CNTNAP2: variants seen among roughly 807,000 people sequenced by gnomAD.
The protein encoded by CNTNAP2 is contactin-associated protein-like 2.
A neutral mutation model predicts 155.2 loss-of-function variants in CNTNAP2; 98 were observed. That is an observed-to-expected ratio of 0.63 (90% CI 0.54 to 0.75). CNTNAP2 has a LOEUF of 0.75. Ranked by LOEUF, CNTNAP2 falls within the 30% of genes least tolerant of loss-of-function variation. The pLI, the probability that CNTNAP2 is intolerant of heterozygous loss-of-function variation, is 0.00. For synonymous variants in CNTNAP2, 651 were observed against 631.2 expected (o/e 1.03, Z -0.47); for missense variants, 1,727 against 1,688.1 (o/e 1.02, Z -0.40).
At chr7:146,662,378 C>G (rs1219734685) in intron 1 of CNTNAP2, among the ~76,000 whole-genome samples, 1 of 152,152 alleles carries the variant, frequency 6.6e-6, no homozygotes, top group East Asian at 1.9e-4. Context: ...CTCAGTTGAT[C>G]CGCCCACCTC....
At chr7:147,023,228 C>T (rs1466009752) in intron 3 of CNTNAP2, among the ~76,000 whole-genome samples, 2 of 152,064 alleles carry the variant, frequency 1.3e-5, no homozygotes, top group East Asian at 3.9e-4. Flanking sequence ...CAGTTGCATG[C>T]TTGTTTCTCT....
At chr7:146,511,917 G>T (rs943192127) in intron 1 of CNTNAP2, among the ~76,000 whole-genome samples, 8 of 151,978 alleles carry the variant, frequency 5.3e-5, no homozygotes, top group Non-Finnish European at 1.0e-4. Flanking sequence ...GTTTTTATAT[G>T]GGAGGCTTTT....
At chr7:147,250,904 A>C (rs1385987709) in intron 8 of CNTNAP2, among the ~76,000 whole-genome samples, 1 of 152,122 alleles carries the variant, frequency 6.6e-6, no homozygotes, top group Non-Finnish European at 1.5e-5. Context: ...ACTACTGGCT[A>C]TCTCATGTTT....
chr7:146,447,517 A>G (rs1211086908), intron 1 of CNTNAP2, among the ~76,000 whole-genome samples: 2 of 152,042 alleles, frequency 1.3e-5, no homozygotes, highest in Non-Finnish European at 2.9e-5. Context: ...ATGATGTAAC[A>G]TAGAATATAT....
At chr7:147,431,050 C>CAAA (rs34150647) in intron 10 of CNTNAP2, among the ~76,000 whole-genome samples, 1 of 124,050 alleles carries the variant, frequency 8.1e-6, no homozygotes, top group Non-Finnish European at 1.7e-5. Flanking sequence ...GACTCCATCT[C>CAAA]AAAAAAAAAA....
chr7:146,506,706 G>T (rs1204623881), intron 1 of CNTNAP2, among the ~76,000 whole-genome samples: 2 of 152,224 alleles, frequency 1.3e-5, no homozygotes, highest in Non-Finnish European at 2.9e-5. Flanking sequence ...TTAATAAACT[G>T]CCCAGCTACC....
intron 22 of CNTNAP2, among the ~76,000 whole-genome samples, chr7:148,384,480 T>C (rs1637839): frequency 0.73 from 110,681 of 152,106 alleles, 41,186 homozygotes; most frequent in Admixed American, 0.81. Flanking sequence ...GAAAAGAGTA[T>C]ACACATAACC....
intron 17 of CNTNAP2, among the ~76,000 whole-genome samples, chr7:148,168,608 TG>T (rs1805718893): frequency 1.3e-5 from 2 of 151,588 alleles, no homozygotes; most frequent in Non-Finnish European, 2.9e-5. Flanking sequence ...ATATACCTAA[TG>T]TTAAATGACA....
Position 146,709,588 on chromosome 7 carries a change from G to A in CNTNAP2, c.98-64683G>A, listed in dbSNP as rs147346381. 9.9e-5 allele frequency among the ~76,000 whole-genome samples: 15 copies of A among 152,272 alleles called. No individual in the cohort carries two copies. The East Asian group carries it at 2.9e-3, about 29-fold the overall frequency. The stretch of plus-strand genomic sequence containing the variant: ...GAGAACCCTGTTGCTGAATAACAAA[G>A]AGGCATAAGCAGAAAGGAGAATTCA... On this transcript the variant is annotated intron_variant, in intron 1 of 23. Transcript: ENST00000361727.
chr7:147,564,953 CCCTT>C (rs775638377), intron 12 of CNTNAP2, among the ~76,000 whole-genome samples: 4 of 152,174 alleles, frequency 2.6e-5, no homozygotes, highest in Non-Finnish European at 5.9e-5. Context: ...CACTAACCAA[CCCTT>C]CCTTTTCCTG....
At chr7:146,962,743 G>A (rs1797579885) in intron 3 of CNTNAP2, 1 of 152,186 alleles carries the variant, frequency 6.6e-6, no homozygotes, top group East Asian at 1.9e-4. Flanking sequence ...TAGAGACAGG[G>A]TTTTGCCATG....
Position 147,954,624 on chromosome 7 carries a change from C to A in CNTNAP2, c.2256-23238C>A, listed in dbSNP as rs1800989048. 2.0e-5 allele frequency among the ~76,000 whole-genome samples: 3 copies of A among 152,120 alleles called. No individual in the cohort carries two copies. The South Asian group carries it at 6.2e-4, about 31-fold the overall frequency. On this transcript the variant is annotated intron_variant, in intron 14 of 23. Coordinates refer to ENST00000361727, the MANE Select transcript of CNTNAP2 (RefSeq NM_014141.6). ...TAGCACTGAAAAGCATAGTTATTTT[C>A]AGCCAATAATTGCTATTTGAATGCT...
intron 16 of CNTNAP2, among the ~76,000 whole-genome samples, chr7:148,134,218 C>G (rs190875652): frequency 3.2e-4 from 49 of 152,214 alleles, no homozygotes; most frequent in African/African-American, 1.2e-3. Flanking sequence ...AGAACTGATG[C>G]GAATGCCAAC....
rs561596940 is a variant in CNTNAP2 at position 147,450,549 on chromosome 7, A to G, written c.1671-35386A>G. 4.1e-4 allele frequency among the ~76,000 whole-genome samples: 63 copies of G among 152,280 alleles called. 1 individual carries two copies. In the South Asian group the frequency reaches 0.012, roughly 28 times the overall value. On this transcript the variant is annotated intron_variant, in intron 10 of 23. Transcript: ENST00000361727. ...AATAAATTTGTGTGGTTTTAAGCTG[A>G]TGAGTTTGTGGCAATTTGTTATACA...
chr7:146,869,971 A>G (rs1159931224), intron 3 of CNTNAP2, among the ~76,000 whole-genome samples: 2 of 152,122 alleles, frequency 1.3e-5, no homozygotes, highest in Non-Finnish European at 2.9e-5. Flanking sequence ...TGTTAAGTTT[A>G]TCACAAATTT....
intron 1 of CNTNAP2, among the ~76,000 whole-genome samples, chr7:146,205,294 A>T (rs1304320335): frequency 3.3e-5 from 5 of 151,998 alleles, no homozygotes; most frequent in African/African-American, 7.2e-5. Flanking sequence ...AATTAATGAT[A>T]TTCTCTGTAG....
At position 148,360,432 on chromosome 7, in the gene CNTNAP2, G is replaced by GA. The variant is rs1798597014; in HGVS notation, c.3476-23212dup. The stretch of plus-strand genomic sequence containing the variant: ...TGAAACACAGCCCTCACCAACCTCA[G>GA]AAAAATGCTAACTCTGAAATAGGAA... On this transcript the variant is annotated intron_variant, in intron 21 of 23. Coordinates refer to ENST00000361727, the MANE Select transcript of CNTNAP2 (RefSeq NM_014141.6). Among the ~76,000 whole-genome samples, 5 of 152,266 alleles carry GA rather than the reference G, an allele frequency of 3.3e-5. No homozygotes were observed. In the South Asian group the frequency reaches 1.0e-3, roughly 32 times the overall value.
chr7:146,718,462 G>T (rs1449621354), intron 1 of CNTNAP2, among the ~76,000 whole-genome samples: 2 of 151,758 alleles, frequency 1.3e-5, no homozygotes, highest in African/African-American at 4.8e-5. Context: ...GAGTCTAAGT[G>T]GGAAAATGGC....
intron 14 of CNTNAP2, among the ~76,000 whole-genome samples, chr7:147,919,509 A>G (rs1800226119): frequency 9.3e-6 from 1 of 107,360 alleles, no homozygotes; most frequent in African/African-American, 3.7e-5. Context: ...CCCAGGCTGG[A>G]GTGCAGTGGC....
Sources: gnomAD v4.1 joint callset for allele counts (sites outside exome capture counted in the v4.1 genomes callset) on GRCh38, gnomAD v4.1.1 for gene constraint, MANE v1.5 for transcripts, NCBI Gene and HGNC (gene_info 2026-07-23, HGNC 2026-07-21) for gene names.